The following UTRN variants were observed in gnomAD, a reference collection of about 807,000 sequenced individuals.
UTRN encodes utrophin, also known as dystrophin-related protein 1.
Under a neutral mutation model 463.9 loss-of-function variants are expected in UTRN, and 283 were observed. That is an observed-to-expected ratio of 0.61 (90% CI 0.55 to 0.67). UTRN has a LOEUF of 0.67. Ranked by LOEUF, UTRN falls within the 30% of genes least tolerant of loss-of-function variation. The probability of loss-of-function intolerance (pLI) is 0.00; values close to 1 mark genes in which losing one functional copy is unlikely to be tolerated. For missense variants in UTRN, 3,922 were observed against 4,084.3 expected (o/e 0.96, Z 1.08); for synonymous variants, 1,442 against 1,431.5 (o/e 1.01, Z -0.17).
chr6:144,822,315 G>A (rs889975537), intron 66 of UTRN, among the ~76,000 whole-genome samples: 34 of 152,036 alleles, frequency 2.2e-4, no homozygotes, highest in African/African-American at 7.7e-4. Flanking sequence ...CCAAAGCATA[G>A]GAGATACCTT....
At chr6:144,844,137 T>C (rs976021637) in intron 73 of UTRN, among the ~76,000 whole-genome samples, 6 of 152,210 alleles carry the variant, frequency 3.9e-5, no homozygotes, top group Non-Finnish European at 7.3e-5. Context: ...ATAAAAGCTG[T>C]ATTGACTTAT....
At chr6:144,361,814 C>T (rs1336349717) in intron 2 of UTRN, among the ~76,000 whole-genome samples, 1 of 150,464 alleles carries the variant, frequency 6.6e-6, no homozygotes, top group African/African-American at 2.5e-5. Context: ...CTATGTTGCC[C>T]AGGCTGGTCT....
At chr6:144,487,809 G>A in intron 29 of UTRN, 112 bp downstream of exon 29, 2 of 1,102,284 alleles carry the variant, frequency 1.8e-6, no homozygotes, top group Non-Finnish European at 2.5e-6. Flanking sequence ...GTTGGTTAAA[G>A]TTGGTAACCA....
chr6:144,780,331 C>T (rs1190932785), intron 60 of UTRN, among the ~76,000 whole-genome samples: 1 of 151,600 alleles, frequency 6.6e-6, no homozygotes, highest in East Asian at 1.9e-4. Context: ...GTATATATAA[C>T]CAACTATTTT....
At chr6:144,621,258 A>ATT (rs781638524) in intron 51 of UTRN, among the ~76,000 whole-genome samples, 5 of 152,214 alleles carry the variant, frequency 3.3e-5, no homozygotes, top group Non-Finnish European at 4.4e-5. Flanking sequence ...GTTATAAAAC[A>ATT]TTGATTATGA....
At chr6:144,640,124 G>T (rs1777623519) in intron 51 of UTRN, among the ~76,000 whole-genome samples, 2 of 151,978 alleles carry the variant, frequency 1.3e-5, no homozygotes, top group Admixed American at 1.3e-4. Flanking sequence ...AATAGAGGAA[G>T]GATTATCTTT....
At chr6:144,583,116 C>T (rs1440997266) in intron 51 of UTRN, 10 of 174,890 alleles carry the variant, frequency 5.7e-5, no homozygotes, top group Admixed American at 1.2e-4. Context: ...AGGGGATGTC[C>T]GCTTTCTATC....
intron 2 of UTRN, among the ~76,000 whole-genome samples, chr6:144,329,681 C>A (rs1375010235): frequency 6.6e-6 from 1 of 152,198 alleles, no homozygotes; most frequent in Non-Finnish European, 1.5e-5. Flanking sequence ...GAAGGAAATG[C>A]AAATTTCTGT....
chr6:144,584,845 T>C (rs1474286234), intron 51 of UTRN, among the ~76,000 whole-genome samples: 1 of 152,198 alleles, frequency 6.6e-6, no homozygotes, highest in Non-Finnish European at 1.5e-5. Context: ...TGTTGTGTTT[T>C]GCTCTACTTC....
chr6:144,401,293 C>T (rs999454504), intron 2 of UTRN, among the ~76,000 whole-genome samples: 5 of 151,962 alleles, frequency 3.3e-5, no homozygotes, highest in Non-Finnish European at 7.4e-5. Context: ...TTCCAAATGC[C>T]CTAAACACTG....
At chr6:144,811,343 T>G (rs547788430) in intron 65 of UTRN, among the ~76,000 whole-genome samples, 236 of 152,308 alleles carry the variant, frequency 1.5e-3, no homozygotes, top group African/African-American at 5.3e-3. Context: ...CAGTCTTGTC[T>G]CTTCAGATGT....
chr6:144,511,222 G>T lies in UTRN; in HGVS notation c.4944+99G>T, dbSNP rs2128590493. The T allele has an allele frequency of 2.6e-6, 3 of 1,144,826 alleles. No homozygotes were observed. In the East Asian group the frequency reaches 8.7e-5, roughly 33 times the overall value. The allele number at this position is 1,144,826 out of a possible 1,614,324, so 70.9% of individuals were successfully genotyped here. ...GATTAAATTTCAAATCCTGTTTACT[G>T]TGTGTCACAGTGATGTTTTGCTTGT... On this transcript the variant is annotated intron_variant, in intron 35 of 74. Coordinates refer to ENST00000367545, the MANE Select transcript of UTRN (RefSeq NM_007124.3).
chr6:144,566,582 G>A (rs1210761798), intron 50 of UTRN, among the ~76,000 whole-genome samples: 2 of 152,092 alleles, frequency 1.3e-5, no homozygotes, highest in African/African-American at 4.8e-5. Flanking sequence ...CCTCACTAGA[G>A]CTATGGCTTG....
chr6:144,381,871 A>C (rs1387917124), intron 2 of UTRN, among the ~76,000 whole-genome samples: 1 of 152,208 alleles, frequency 6.6e-6, no homozygotes, highest in African/African-American at 2.4e-5. Context: ...ATACATACTC[A>C]GTAATGGGAT....
At chr6:144,620,224 C>T (rs1775205910) in intron 51 of UTRN, among the ~76,000 whole-genome samples, 1 of 152,146 alleles carries the variant, frequency 6.6e-6, no homozygotes, top group African/African-American at 2.4e-5. Context: ...TTGCTTAAAT[C>T]ATTTTTAAGT....
chr6:144,573,009 A>G (rs531650942), intron 50 of UTRN, among the ~76,000 whole-genome samples: 1 of 152,288 alleles, frequency 6.6e-6, no homozygotes, highest in Admixed American at 6.5e-5. Context: ...TTACACTCCC[A>G]CCAACAGTGT....
intron 51 of UTRN, among the ~76,000 whole-genome samples, chr6:144,653,239 A>G (rs762042456): frequency 1.3e-4 from 20 of 152,102 alleles, no homozygotes; most frequent in Non-Finnish European, 2.4e-4. Context: ...TGGCGTATAC[A>G]TAGGATATGT....
intron 9 of UTRN, among the ~76,000 whole-genome samples, chr6:144,434,083 G>A: frequency 6.6e-6 from 1 of 152,244 alleles, no homozygotes; most frequent in South Asian, 2.1e-4. Context: ...GACTCCGTCT[G>A]CAATCCCGGC....
At chr6:144,520,792 T>C (rs1236719712) in intron 39 of UTRN, among the ~76,000 whole-genome samples, 1 of 152,214 alleles carries the variant, frequency 6.6e-6, no homozygotes, top group East Asian at 1.9e-4. Flanking sequence ...AATTTACAGA[T>C]GATTATCATT....
Sources: allele counts gnomAD v4.1 joint callset (sites outside exome capture counted in the v4.1 genomes callset), GRCh38; gene constraint gnomAD v4.1.1; transcripts MANE v1.5; gene names NCBI Gene and HGNC (gene_info 2026-07-23, HGNC 2026-07-21).